Variants in DAB2 observed in about 807,000 individuals in gnomAD.
The protein encoded by DAB2 is DAB adaptor protein 2.
DAB2 carries 28 observed loss-of-function variants against 71.6 expected under a neutral mutation model. The ratio of observed to expected loss-of-function variants is 0.39; its 90% CI spans 0.29 to 0.54. DAB2 has a LOEUF of 0.54. Ranked by LOEUF, DAB2 falls within the 20% of genes least tolerant of loss-of-function variation. The probability of loss-of-function intolerance (pLI) is 0.68; values close to 1 mark genes in which losing one functional copy is unlikely to be tolerated. For synonymous variants in DAB2, 345 were observed against 339.7 expected, an observed-to-expected ratio of 1.02 and a Z score of -0.17; for missense variants, 867 against 928.8, an observed-to-expected ratio of 0.93 and a Z score of 0.86.
At position 39,392,416 on chromosome 5, in the gene DAB2, G is replaced by T; in HGVS notation, c.279C>A (p.Ile93=). ...TCCCAGAAAGGGAAATGTTGACCCA[G>T]ATCCTTTGTTTGTGTTGTCCCTGAG... ...GRSQGQHKQR[I]WVNISLSGIK... Residue 93 remains isoleucine, a synonymous_variant, in exon 4 of 15, where the codon ATC becomes ATA. Coordinates refer to ENST00000320816, the MANE Select transcript of DAB2 (RefSeq NM_001343.4). 1 of 1,614,124 alleles carries T rather than the reference G, an allele frequency of 6.2e-7. No individual in the cohort carries two copies. Among genetic ancestry groups the T allele is most frequent in the South Asian group, 1.1e-5 (1 of 91,080 alleles).
At chr5:39,413,779 A>C (rs1305022382) in intron 1 of DAB2, among the ~76,000 whole-genome samples, 1 of 152,208 alleles carries the variant, frequency 6.6e-6, no homozygotes, top group Admixed American at 6.5e-5. Flanking sequence ...TTTAAAAATT[A>C]AATTCCTTAA....
intron 1 of DAB2, among the ~76,000 whole-genome samples, chr5:39,398,903 A>G (rs1299556024): frequency 6.6e-6 from 1 of 152,236 alleles, no homozygotes; most frequent in Non-Finnish European, 1.5e-5. Flanking sequence ...TTTAAACTTA[A>G]TAGTCAATAT....
At chr5:39,419,517 T>C (rs190509081) in intron 1 of DAB2, among the ~76,000 whole-genome samples, 1 of 152,350 alleles carries the variant, frequency 6.6e-6, no homozygotes, top group Admixed American at 6.5e-5. Context: ...AAAGGAGCAG[T>C]GCTTCGTTAG....
In DAB2 at chr5:39,388,779, C is replaced by G. The variant is rs1487365863; in HGVS notation, c.624+20G>C. On this transcript the variant is annotated intron_variant, in intron 8 of 14. Transcript: ENST00000320816. Reference sequence around the variant, plus strand: ...GTTCAGATAAGTAAGAACTGTCAAACGTCACATATTAATACATACCGATTT... The same window carrying G: ...GTTCAGATAAGTAAGAACTGTCAAAGGTCACATATTAATACATACCGATTT... 1 of 1,602,536 alleles carries G rather than the reference C, an allele frequency of 6.2e-7. No homozygotes were observed. The highest frequency in any genetic ancestry group is 1.1e-5 in the South Asian group (1 of 90,492).
intron 9 of DAB2, among the ~76,000 whole-genome samples, chr5:39,383,882 G>A (rs1382292580): frequency 6.6e-6 from 1 of 152,170 alleles, no homozygotes; most frequent in Admixed American, 6.5e-5. Flanking sequence ...CTAGAGGTGG[G>A]AGAGAGGCTT....
chr5:39,409,842 A>G (rs1234182668), intron 1 of DAB2, among the ~76,000 whole-genome samples: 1 of 152,208 alleles, frequency 6.6e-6, no homozygotes, highest in South Asian at 2.1e-4. Flanking sequence ...AGTCATTTAG[A>G]TGACCTCTAC....
rs537758309 is a variant in DAB2 at position 39,406,345 on chromosome 5, C to T, written c.-101-11924G>A. Among the ~76,000 whole-genome samples the T allele has an allele frequency of 1.8e-4, 28 of 152,242 alleles. 1 individual carries two copies. The Middle Eastern group carries it at 0.02, about 111-fold the overall frequency. Reference sequence around the variant, plus strand: ...GACCAGAGGGCCTGTAGGGACATGGCGGAACTCTACTGAGCACTTCCCATA... The same window carrying T: ...GACCAGAGGGCCTGTAGGGACATGGTGGAACTCTACTGAGCACTTCCCATA... On this transcript the variant is annotated intron_variant, in intron 1 of 14. Coordinates refer to ENST00000320816, the MANE Select transcript of DAB2 (RefSeq NM_001343.4).
intron 13 of DAB2, 101 bp downstream of exon 13, chr5:39,375,896 A>G: frequency 2.3e-6 from 2 of 885,276 alleles, no homozygotes; most frequent in Non-Finnish European, 3.5e-6. Context: ...AAAAAAATAA[A>G]TAAATAAATA....
At chr5:39,381,904 G>A (rs181229905) in intron 10 of DAB2, among the ~76,000 whole-genome samples, 206 of 152,218 alleles carry the variant, frequency 1.4e-3, no homozygotes, top group African/African-American at 4.5e-3. Flanking sequence ...TGGTCTCATC[G>A]CTAAATGCTT....
rs772552808 is a variant in DAB2, at chr5:39,376,985, G to A, written c.1802C>T (p.Ala601Val). The change falls in exon 12 of 15, where the codon GCT becomes GTT. Residue 601 changes from alanine to valine, a missense_variant. Ala to Val is a moderately conservative substitution (Grantham distance 64). Around this residue, in one of 2 missense-constraint regions of DAB2, gnomAD observed 740 missense variants for 734.3 expected, o/e 1.01. Transcript: ENST00000320816. The part of the protein sequence containing the change: ...GNPFQSNIFP[A>V]PAVSTQPPSM... ...TGGGGGCTGAGTGGACACAGCAGGAGCTGGAAAAATATTGCTCTGAAAAGG... is the reference window on the plus strand; with the variant it reads ...TGGGGGCTGAGTGGACACAGCAGGAACTGGAAAAATATTGCTCTGAAAAGG... The A allele has an allele frequency of 6.2e-7, 1 of 1,614,116 alleles. No homozygotes were observed. The highest frequency in any genetic ancestry group is 1.3e-5 in the African/African-American group (1 of 75,018).
chr5:39,381,834 A>T (rs1297564757), intron 10 of DAB2, among the ~76,000 whole-genome samples: 2 of 152,260 alleles, frequency 1.3e-5, no homozygotes, highest in Non-Finnish European at 2.9e-5. Flanking sequence ...TTAGTGTCTG[A>T]CACTACCTAG....
intron 1 of DAB2, among the ~76,000 whole-genome samples, chr5:39,401,601 T>C (rs1468861447): frequency 6.6e-6 from 1 of 152,150 alleles, no homozygotes; most frequent in Non-Finnish European, 1.5e-5. Context: ...TATAGTTTGC[T>C]GAGCTATTAG....
At chr5:39,404,186 T>C (rs568493580) in intron 1 of DAB2, among the ~76,000 whole-genome samples, 154 of 138,928 alleles carry the variant, frequency 1.1e-3, no homozygotes, top group African/African-American at 3.9e-3. Context: ...TAGGTGCGAA[T>C]TGAACAATGA....
intron 11 of DAB2, 125 bp downstream of exon 11, chr5:39,381,329 G>T: frequency 3.2e-6 from 3 of 947,718 alleles, no homozygotes; most frequent in South Asian, 3.5e-5. Context: ...TGGGAGAAGG[G>T]CTCCCTGGGA....
At chr5:39,392,539 A>G in intron 3 of DAB2, 76 bp from the exon 4 acceptor site, 1 of 1,137,832 alleles carries the variant, frequency 8.8e-7, no homozygotes, top group Non-Finnish European at 1.3e-6. Context: ...AAAATTTTCA[A>G]AGTCAGTCAG....
rs2112072983 is a variant in DAB2 at position 39,398,063 on chromosome 5, CTG to C, written c.-101-3644_-101-3643del. Among the ~76,000 whole-genome samples the C allele has an allele frequency of 2.6e-5, 4 of 152,334 alleles. No homozygotes were observed. The South Asian group carries it at 8.3e-4, about 32-fold the overall frequency. On this transcript the variant is annotated intron_variant, in intron 1 of 14. Coordinates refer to ENST00000320816, the MANE Select transcript of DAB2 (RefSeq NM_001343.4). The stretch of plus-strand genomic sequence containing the variant: ...GAAAAAGTGACCTGGGCTTAAGAGT[CTG>C]TTGCCCATCTTTGAAGCCGGATATC...
At chr5:39,416,648 C>T (rs1755852394) in intron 1 of DAB2, among the ~76,000 whole-genome samples, 1 of 152,064 alleles carries the variant, frequency 6.6e-6, no homozygotes, top group African/African-American at 2.4e-5. Context: ...TTCGTGAAAA[C>T]CTTCATTCCA....
intron 11 of DAB2, among the ~76,000 whole-genome samples, chr5:39,379,395 G>A (rs1441374611): frequency 3.2e-5 from 4 of 125,184 alleles, no homozygotes; most frequent in East Asian, 2.3e-4. Context: ...AGTGAGCTGA[G>A]ACAGCACCAC....
Position 39,390,450 on chromosome 5 carries a change from C to G in DAB2, c.456G>C (p.Gly152=). 2 of 1,613,986 alleles carry G rather than the reference C, an allele frequency of 1.2e-6. No homozygotes were observed. The highest frequency in any genetic ancestry group is 1.7e-6 in the Non-Finnish European group (2 of 1,179,962). ...GTCAAGACTTAGAGCTCACCTGTTG[C>G]CCGGTTTTTATGGCAAAAAACTGAT... is the stretch of plus-strand genomic sequence containing the variant. The part of the protein sequence containing the change: ...GQHQFFAIKT[G]QQAEPLVVDL... Residue 152 remains glycine, a synonymous_variant, in exon 5 of 15, where the codon GGG becomes GGC. Coordinates refer to ENST00000320816, the MANE Select transcript of DAB2 (RefSeq NM_001343.4).
Sources: allele counts gnomAD v4.1 joint callset (sites outside exome capture counted in the v4.1 genomes callset), GRCh38; gene constraint gnomAD v4.1.1; regional missense constraint gnomAD v4.1.1; transcripts MANE v1.5; gene names NCBI Gene and HGNC (gene_info 2026-07-23, HGNC 2026-07-21).